KDM4C: variants seen among roughly 807,000 people sequenced by gnomAD.
KDM4C encodes lysine demethylase 4C.
KDM4C carries 81 observed loss-of-function variants against 129.3 expected under a neutral mutation model. The observed-to-expected ratio is 0.63, with a 90% CI of 0.52 to 0.75. KDM4C has a LOEUF of 0.75. Among genes scored for constraint, KDM4C ranks in the 30% least tolerant of loss-of-function variants. The probability of loss-of-function intolerance (pLI) is 0.00; values close to 1 mark genes in which losing one functional copy is unlikely to be tolerated. For synonymous variants in KDM4C, 573 were observed against 456.1 expected (o/e 1.26, Z -3.26); for missense variants, 1,457 against 1,304.0 (o/e 1.12, Z -1.81).
At chr9:6,738,787 C>G (rs1817602919) in intron 1 of KDM4C, among the ~76,000 whole-genome samples, 1 of 150,890 alleles carries the variant, frequency 6.6e-6, no homozygotes, top group African/African-American at 2.4e-5. Flanking sequence ...TTTTGAGAGA[C>G]AGGGTTTCAC....
chr9:7,098,724 C>A (rs1461617488), intron 17 of KDM4C, among the ~76,000 whole-genome samples: 2 of 152,176 alleles, frequency 1.3e-5, no homozygotes, highest in Non-Finnish European at 2.9e-5. Context: ...TCTACTCTCT[C>A]TTCTCCTTCT....
At chr9:6,788,177 T>G (rs1476245090) in intron 1 of KDM4C, among the ~76,000 whole-genome samples, 1 of 152,210 alleles carries the variant, frequency 6.6e-6, no homozygotes, top group Non-Finnish European at 1.5e-5. Context: ...CTTTGCAGTC[T>G]ATCCCCTTAC....
intron 18 of KDM4C, chr9:7,105,609 GC>G (rs1326660889): frequency 2.6e-6 from 1 of 377,750 alleles, no homozygotes; most frequent in East Asian, 7.4e-5. Context: ...GAATGTAAAT[GC>G]CTTTTTAGCT....
At chr9:6,757,289 C>T (rs1818368632), upstream of KDM4C, among the ~76,000 whole-genome samples, 1 of 152,156 alleles carries the variant, frequency 6.6e-6, no homozygotes, top group Admixed American at 6.5e-5. Context: ...GCCCAGGATT[C>T]CTATTGGGGT....
At chr9:7,095,515 A>T (rs1836316563) in intron 17 of KDM4C, among the ~76,000 whole-genome samples, 1 of 145,080 alleles carries the variant, frequency 6.9e-6, no homozygotes. Flanking sequence ...ATAAACAAAG[A>T]TCTTTTTTTT....
chr9:7,163,873 A>G lies in KDM4C; in HGVS notation c.2782-1365A>G, dbSNP rs114962822. On this transcript the variant is annotated intron_variant, in intron 19 of 21. Transcript: ENST00000381309. ...TGTCAGTTCTGTAGAGCCTCCGAGC[A>G]AACTATTTTTTTCTTTGCTTTAGCT... is the stretch of plus-strand genomic sequence containing the variant. Among the ~76,000 whole-genome samples the G allele has an allele frequency of 4.1e-3, 631 of 152,310 alleles. 6 individuals carry two copies. The highest frequency in any genetic ancestry group is 0.014 in the African/African-American group (565 of 41,576).
At chr9:7,064,806 A>T (rs1326835534) in intron 17 of KDM4C, among the ~76,000 whole-genome samples, 1 of 152,086 alleles carries the variant, frequency 6.6e-6, no homozygotes, top group Non-Finnish European at 1.5e-5. Flanking sequence ...AAGGTATGTG[A>T]TGTTCAGTTA....
intron 6 of KDM4C, among the ~76,000 whole-genome samples, chr9:6,882,136 C>A (rs1195340812): frequency 6.6e-6 from 1 of 152,172 alleles, no homozygotes; most frequent in African/African-American, 2.4e-5. Context: ...CCTTCAGCTG[C>A]TTTCTTATTT....
intron 21 of KDM4C, among the ~76,000 whole-genome samples, chr9:7,174,331 T>C (rs538832450): frequency 9.9e-5 from 15 of 152,200 alleles, no homozygotes; most frequent in African/African-American, 3.4e-4. Context: ...TCCCTGGGGT[T>C]GGAGGGTGGG....
intron 1 of KDM4C, among the ~76,000 whole-genome samples, chr9:6,743,338 G>A (rs1003626785): frequency 4.6e-5 from 7 of 152,160 alleles, no homozygotes; most frequent in African/African-American, 1.7e-4. Flanking sequence ...CCAGCACCCC[G>A]CACAATTCAG....
chr9:6,986,304 C>T (rs1431141093), intron 10 of KDM4C, 40 bp from the exon 11 acceptor site: 1 of 1,367,618 alleles, frequency 7.3e-7, no homozygotes, highest in South Asian at 1.3e-5. Flanking sequence ...AGTAGTAATA[C>T]AGTGCATGAT....
At chr9:6,786,161 C>T (rs1248637633) in intron 1 of KDM4C, among the ~76,000 whole-genome samples, 2 of 151,974 alleles carry the variant, frequency 1.3e-5, no homozygotes, top group Non-Finnish European at 2.9e-5. Context: ...CAGGTGTAGA[C>T]AGGGAAGGAA....
At chr9:6,754,627 C>T (rs949074179), upstream of KDM4C, among the ~76,000 whole-genome samples, 10 of 152,090 alleles carry the variant, frequency 6.6e-5, no homozygotes, top group Non-Finnish European at 1.2e-4. Flanking sequence ...GTATTCTCAC[C>T]ACTTTGGGAG....
chr9:7,012,825 T>C (rs1347491079), intron 13 of KDM4C, among the ~76,000 whole-genome samples: 1 of 152,194 alleles, frequency 6.6e-6, no homozygotes, highest in African/African-American at 2.4e-5. Flanking sequence ...GTGTTTTGGG[T>C]TATATTTTTA....
At chr9:6,824,605 G>T (rs1428437144) in intron 4 of KDM4C, among the ~76,000 whole-genome samples, 1 of 149,062 alleles carries the variant, frequency 6.7e-6, no homozygotes, top group Non-Finnish European at 1.5e-5. Flanking sequence ...AGAAATTAAG[G>T]CCGGGCGTGG....
At chr9:7,156,102 A>G (rs1237753851) in intron 19 of KDM4C, among the ~76,000 whole-genome samples, 2 of 152,178 alleles carry the variant, frequency 1.3e-5, no homozygotes, top group South Asian at 2.1e-4. Context: ...TTCTCTGATG[A>G]CCAGTCATGA....
At position 6,892,733 on chromosome 9, in the gene KDM4C, A is replaced by G. The variant is rs935832138; in HGVS notation, c.784-362A>G. ...CAATGTCAGTTATTATATGATTTTT[A>G]TATGTAACTCCAGTAATGCAAGTTA... is the stretch of plus-strand genomic sequence containing the variant. On this transcript the variant is annotated intron_variant, in intron 7 of 21. Transcript: ENST00000381309. Among the ~76,000 whole-genome samples, 4 of 152,222 alleles carry G rather than the reference A, an allele frequency of 2.6e-5. No individual in the cohort carries two copies. In the East Asian group the frequency reaches 7.7e-4, roughly 29 times the overall value.
chr9:7,053,959 A>C (rs987322392), intron 17 of KDM4C, among the ~76,000 whole-genome samples: 6 of 152,266 alleles, frequency 3.9e-5, no homozygotes, highest in African/African-American at 1.4e-4. Flanking sequence ...CAGCTTCAGC[A>C]TTCTTCTGAT....
At chr9:6,991,199 C>T (rs895974495) in intron 12 of KDM4C, among the ~76,000 whole-genome samples, 1 of 152,204 alleles carries the variant, frequency 6.6e-6, no homozygotes, top group Middle Eastern at 3.4e-3. Context: ...CTACCTCAGC[C>T]TCCCAAGCAG....
Sources: allele counts gnomAD v4.1 joint callset (sites outside exome capture counted in the v4.1 genomes callset), GRCh38; gene constraint gnomAD v4.1.1; transcripts MANE v1.5; gene names NCBI Gene and HGNC (gene_info 2026-07-23, HGNC 2026-07-21).